The following CD8A variants were observed in gnomAD, a reference collection of about 807,000 sequenced individuals.
CD8A encodes T-cell surface glycoprotein CD8 alpha chain.
Under a neutral mutation model 24.2 loss-of-function variants are expected in CD8A, and 25 were observed. The observed-to-expected ratio is 1.03, with a 90% confidence interval of 0.75 to 1.44. CD8A has a LOEUF of 1.44. Ranked by LOEUF, CD8A falls within the 40% of genes most tolerant of loss-of-function variation. The probability of loss-of-function intolerance (pLI) is 0.00; values close to 1 mark genes in which losing one functional copy is unlikely to be tolerated. For missense variants in CD8A, 360 were observed against 319.7 expected (o/e 1.13, Z -0.96); for synonymous variants, 165 against 149.9 (o/e 1.10, Z -0.74).
chr2:86,794,590 G>C (rs757477865), upstream of CD8A, among the ~76,000 whole-genome samples: 1 of 152,072 alleles, frequency 6.6e-6, no homozygotes, highest in Non-Finnish European at 1.5e-5. Flanking sequence ...CCTCCACCCC[G>C]AGTTCCCCAA....
intron 2 of CD8A, among the ~76,000 whole-genome samples, chr2:86,806,279 C>T (rs1267685825): frequency 6.6e-6 from 1 of 152,152 alleles, no homozygotes; most frequent in African/African-American, 2.4e-5. Flanking sequence ...TTTCCACCCA[C>T]TTACCCTCAG....
At chr2:86,790,970 G>A (rs1404396116), upstream of CD8A, 9 of 826,402 alleles carry the variant, frequency 1.1e-5, no homozygotes, top group South Asian at 1.1e-4. Flanking sequence ...GATGTCACCC[G>A]AAGCCCCCGC....
intron 2 of CD8A, among the ~76,000 whole-genome samples, chr2:86,806,298 GGC>G (rs1673855186): frequency 1.3e-5 from 2 of 152,180 alleles, no homozygotes; most frequent in Admixed American, 1.3e-4. Flanking sequence ...AGAGCATGAG[GGC>G]TGGGCGAAGG....
chr2:86,798,631 T>A (rs532959116), intron 3 of CD8A, among the ~76,000 whole-genome samples: 4 of 152,110 alleles, frequency 2.6e-5, no homozygotes, highest in Non-Finnish European at 5.9e-5. Flanking sequence ...CAAGCAATTC[T>A]CCTGTCTCAG....
chr2:86,798,789 T>C (rs1210157849), intron 3 of CD8A, among the ~76,000 whole-genome samples: 2 of 152,224 alleles, frequency 1.3e-5, no homozygotes, highest in Non-Finnish European at 2.9e-5. Context: ...TCCAAAGTGC[T>C]GGGATTACAG....
chr2:86,801,954 G>A (rs1475210684), intron 2 of CD8A, among the ~76,000 whole-genome samples: 1 of 152,138 alleles, frequency 6.6e-6, no homozygotes, highest in Non-Finnish European at 1.5e-5. Context: ...TGAGATAATT[G>A]TAGATTGACA....
chr2:86,790,720 G>GGGGCCCCC, intron 1 of CD8A, 39 bp from the exon 2 acceptor site: 1 of 1,516,640 alleles, frequency 6.6e-7, no homozygotes, highest in Non-Finnish European at 8.9e-7. Context: ...CCGCAGTCCC[G>GGGGCCCCC]CGCCCCCCGC....
At chr2:86,790,916 G>A, upstream of CD8A, 2 of 1,239,440 alleles carry the variant, frequency 1.6e-6, no homozygotes, top group Non-Finnish European at 2.3e-6. Flanking sequence ...GGAAAGTTGC[G>A]CCCTTCGGCC....
Position 86,802,906 on chromosome 2 carries a change from T to C in CD8A, c.-417-1249A>G, listed in dbSNP as rs1325402673. 3.9e-5 allele frequency among the ~76,000 whole-genome samples: 6 copies of C among 152,310 alleles called. No homozygotes were observed. In the East Asian group the frequency reaches 9.6e-4, roughly 24 times the overall value. ...GATTACAGGTGTGAACCATCGCGCC[T>C]GGCCTAGAATTCATAAGTTTAAGGA... On this transcript the variant is annotated intron_variant, in intron 2 of 8. Coordinates refer to the CD8A transcript ENST00000409511.
Position 86,789,657 on chromosome 2 carries a change from G to A in CD8A, c.497C>T (p.Pro166Leu). 1 of 1,482,236 alleles carries A rather than the reference G, an allele frequency of 6.7e-7. No homozygotes were observed. Among genetic ancestry groups the A allele is most frequent in the Non-Finnish European group, 8.9e-7 (1 of 1,121,464 alleles). The allele number at this position is 1,482,236 out of a possible 1,614,324, so 91.8% of individuals were successfully genotyped here. Residue 166 changes from proline to leucine, a missense_variant, in exon 3 of 6, where the codon CCA (proline) becomes CTA (leucine). Physicochemically the swap from Pro to Leu is moderately conservative, Grantham distance 98. Coordinates refer to ENST00000283635, the MANE Select transcript of CD8A (RefSeq NM_001768.7). ...CGCCTCACCTGCGCCCCCCGCCGCT[G>A]GCCGGCACGCCTCTGGGCGCAGGGA... ...PLSLRPEACRPAAGGAVHTRG... is the reference protein window; with the variant it reads ...PLSLRPEACRLAAGGAVHTRG...
chr2:86,808,376 C>T (rs561129184), exon 1 of CD8A: 2 of 152,322 alleles, frequency 1.3e-5, no homozygotes, highest in African/African-American at 2.4e-5. Context: ...AGATCCGGCC[C>T]AGCGCATTTA....
chr2:86,804,688 C>A (rs1673782135), intron 2 of CD8A, among the ~76,000 whole-genome samples: 1 of 151,950 alleles, frequency 6.6e-6, no homozygotes, highest in Non-Finnish European at 1.5e-5. Context: ...TCACTGCAGC[C>A]TCCAACTCTT....
chr2:86,793,419 T>C (rs1558737269), upstream of CD8A, among the ~76,000 whole-genome samples: 1 of 146,036 alleles, frequency 6.8e-6, no homozygotes, highest in Non-Finnish European at 1.5e-5. Flanking sequence ...GATGTATGCA[T>C]GTGTGTGTGT....
chr2:86,799,438 G>C (rs997033619), intron 3 of CD8A, among the ~76,000 whole-genome samples: 2 of 152,126 alleles, frequency 1.3e-5, no homozygotes, highest in Non-Finnish European at 2.9e-5. Context: ...CATTTCTCCT[G>C]AGCAGAGTCC....
chr2:86,789,775 G>C (rs1673192296), intron 2 of CD8A, 25 bp from the exon 3 acceptor site: 4 of 1,309,506 alleles, frequency 3.1e-6, no homozygotes, highest in Non-Finnish European at 9.8e-7. Flanking sequence ...GAGCGTGGTT[G>C]GGGGCCAGGC....
chr2:86,791,797 CA>C (rs1449828588), upstream of CD8A: 5 of 394,602 alleles, frequency 1.3e-5, no homozygotes, highest in African/African-American at 2.1e-5. Flanking sequence ...TGAAGTCATT[CA>C]ACCCCTGCGC....
At chr2:86,798,640 A>G (rs1304116520) in intron 3 of CD8A, among the ~76,000 whole-genome samples, 5 of 151,900 alleles carry the variant, frequency 3.3e-5, no homozygotes, top group Non-Finnish European at 5.9e-5. Flanking sequence ...CTCCTGTCTC[A>G]GCCTCCTGAG....
chr2:86,803,369 C>T (rs1207214095), intron 2 of CD8A, among the ~76,000 whole-genome samples: 2 of 152,158 alleles, frequency 1.3e-5, no homozygotes, highest in African/African-American at 4.8e-5. Context: ...ACAACCTAGA[C>T]AACCATCAAT....
chr2:86,796,635 T>C (rs942940717), intron 3 of CD8A, among the ~76,000 whole-genome samples: 3 of 152,208 alleles, frequency 2.0e-5, no homozygotes, highest in Admixed American at 6.5e-5. Flanking sequence ...AATGATCCCA[T>C]AGAGTTGATG....
Sources: allele counts gnomAD v4.1 joint callset (sites outside exome capture counted in the v4.1 genomes callset), GRCh38; gene constraint gnomAD v4.1.1; transcripts MANE v1.5; gene names NCBI Gene and HGNC (gene_info 2026-07-23, HGNC 2026-07-21).